BAALC: variants seen among roughly 807,000 people sequenced by gnomAD.
The protein encoded by BAALC is BAALC binder of MAP3K1 and KLF4.
Under a neutral mutation model 15.5 loss-of-function variants are expected in BAALC, and 9 were observed. That is an observed-to-expected ratio of 0.58 (90% CI 0.35 to 1.02). The LOEUF (loss-of-function observed/expected upper bound fraction) is 1.02. Ranked by LOEUF, BAALC falls within the 50% of genes least tolerant of loss-of-function variation. The probability of loss-of-function intolerance (pLI) is 0.02; values close to 1 mark genes in which losing one functional copy is unlikely to be tolerated. For missense variants in BAALC, 201 were observed against 192.4 expected (o/e 1.04, Z -0.27); for synonymous variants, 80 against 74.6 (o/e 1.07, Z -0.37).
At chr8:103,217,341 T>C (rs1402294647) in intron 2 of BAALC, among the ~76,000 whole-genome samples, 1 of 152,256 alleles carries the variant, frequency 6.6e-6, no homozygotes, top group Non-Finnish European at 1.5e-5. Flanking sequence ...TAAGTTTACC[T>C]GTGATTGATG....
intron 1 of BAALC, among the ~76,000 whole-genome samples, chr8:103,148,281 T>C (rs7001897): frequency 0.36 from 54,023 of 151,926 alleles, 9,709 homozygotes; most frequent in Middle Eastern, 0.48. Flanking sequence ...CCAAGGAGCA[T>C]CAAGGAAAGT....
intron 1 of BAALC, among the ~76,000 whole-genome samples, chr8:103,149,628 C>G (rs1810943351): frequency 6.6e-6 from 1 of 152,054 alleles, no homozygotes; most frequent in African/African-American, 2.4e-5. Flanking sequence ...CCTCAAACTG[C>G]TTGGAAGCTC....
intron 1 of BAALC, chr8:103,166,261 T>C (rs1485749534): frequency 2.0e-5 from 3 of 152,834 alleles, no homozygotes; most frequent in African/African-American, 7.2e-5. Context: ...TGTCTGTTCT[T>C]AGAATGCCGC....
intron 1 of BAALC, among the ~76,000 whole-genome samples, chr8:103,146,163 A>G (rs1389965995): frequency 1.3e-5 from 2 of 152,218 alleles, no homozygotes; most frequent in Non-Finnish European, 2.9e-5. Flanking sequence ...GTAGAAAAGC[A>G]TTAGAGGCAT....
At chr8:103,192,894 C>T (rs1402460073) in intron 1 of BAALC, among the ~76,000 whole-genome samples, 2 of 152,224 alleles carry the variant, frequency 1.3e-5, no homozygotes, top group African/African-American at 2.4e-5. Context: ...ACCTCTTAGA[C>T]TTCTCTCTTA....
At chr8:103,158,066 A>T (rs1378092087) in intron 1 of BAALC, among the ~76,000 whole-genome samples, 4 of 152,220 alleles carry the variant, frequency 2.6e-5, no homozygotes, top group Non-Finnish European at 5.9e-5. Flanking sequence ...GAATTGAGAT[A>T]CAAACAACAT....
intron 1 of BAALC, among the ~76,000 whole-genome samples, chr8:103,143,863 C>G (rs1401298771): frequency 1.3e-5 from 2 of 152,354 alleles, no homozygotes; most frequent in South Asian, 4.1e-4. Flanking sequence ...CCTTCTGCCT[C>G]TTCTTTGCAG....
At chr8:103,190,208 T>C (rs910869186) in intron 1 of BAALC, among the ~76,000 whole-genome samples, 14 of 152,202 alleles carry the variant, frequency 9.2e-5, no homozygotes, top group African/African-American at 2.7e-4. Context: ...TTTGGATGTA[T>C]TGAGTATAAA....
At chr8:103,171,851 T>G (rs1007705942) in intron 1 of BAALC, 1 of 152,186 alleles carries the variant, frequency 6.6e-6, no homozygotes, top group African/African-American at 2.4e-5. Flanking sequence ...AGTTCACTAT[T>G]GGTGAAGAAA....
intron 1 of BAALC, among the ~76,000 whole-genome samples, chr8:103,172,793 G>T (rs557976426): frequency 1.3e-5 from 2 of 152,206 alleles, no homozygotes; most frequent in East Asian, 3.9e-4. Flanking sequence ...CAGATGTAGG[G>T]ATTAAATGAC....
chr8:103,144,980 G>A (rs550151109), intron 1 of BAALC, among the ~76,000 whole-genome samples: 150 of 152,290 alleles, frequency 9.8e-4, no homozygotes, highest in Non-Finnish European at 1.7e-3. Flanking sequence ...AAATGAGGCT[G>A]GAAGTCTGCA....
chr8:103,155,885 G>A (rs1187531210), intron 1 of BAALC, among the ~76,000 whole-genome samples: 1 of 152,202 alleles, frequency 6.6e-6, no homozygotes, highest in East Asian at 1.9e-4. Context: ...AGGCTTCCAA[G>A]TGATGCTGAT....
intron 1 of BAALC, among the ~76,000 whole-genome samples, chr8:103,199,892 A>G (rs1340006227): frequency 6.6e-6 from 1 of 152,182 alleles, no homozygotes; most frequent in East Asian, 1.9e-4. Flanking sequence ...TCCACTTATC[A>G]GTGAGAACAT....
intron 1 of BAALC, chr8:103,165,867 T>C (rs1214897355): frequency 6.6e-6 from 1 of 151,954 alleles, no homozygotes; most frequent in African/African-American, 2.4e-5. Context: ...ACCCCCAGAG[T>C]GTTGAGGTGC....
intron 1 of BAALC, among the ~76,000 whole-genome samples, chr8:103,173,093 T>C (rs1022941249): frequency 2.6e-5 from 4 of 152,232 alleles, no homozygotes; most frequent in African/African-American, 9.6e-5. Flanking sequence ...ATCCTTTTGA[T>C]TTTTGAGGCA....
intron 1 of BAALC, chr8:103,198,067 T>G (rs1478155033): frequency 2.9e-6 from 2 of 693,558 alleles, no homozygotes; most frequent in South Asian, 3.1e-5. Context: ...TACGAACAAC[T>G]ATAATTTTTT....
intron 1 of BAALC, among the ~76,000 whole-genome samples, chr8:103,183,823 C>G (rs1811778104): frequency 6.6e-6 from 1 of 152,204 alleles, no homozygotes; most frequent in African/African-American, 2.4e-5. Context: ...TAACTGAATT[C>G]CTGGGCATGG....
intron 2 of BAALC, among the ~76,000 whole-genome samples, chr8:103,220,611 G>C (rs1812655750): frequency 6.6e-6 from 1 of 152,142 alleles, no homozygotes; most frequent in Non-Finnish European, 1.5e-5. Context: ...CAAAAAAGAA[G>C]TTAAAAAATA....
intron 1 of BAALC, among the ~76,000 whole-genome samples, chr8:103,205,665 C>T (rs183685842): frequency 6.6e-6 from 1 of 152,214 alleles, no homozygotes; most frequent in East Asian, 1.9e-4. Context: ...TATTCCTGGG[C>T]CCCTACTGAA....
Sources: gnomAD v4.1 joint callset for allele counts (sites outside exome capture counted in the v4.1 genomes callset) on GRCh38, gnomAD v4.1.1 for gene constraint, MANE v1.5 for transcripts, NCBI Gene and HGNC (gene_info 2026-07-23, HGNC 2026-07-21) for gene names.